The following GPATCH2 variants were observed in gnomAD, a reference collection of about 807,000 sequenced individuals.
The protein encoded by GPATCH2 is G-patch domain containing 2.
In GPATCH2, 51 loss-of-function variants were observed where a neutral mutation model predicts 58.0. The ratio of observed to expected loss-of-function variants is 0.88; its 90% confidence interval spans 0.70 to 1.11. The LOEUF is 1.11. Ranked by LOEUF, GPATCH2 falls within the 50% of genes most tolerant of loss-of-function variation. GPATCH2 has a pLI of 0.00. For synonymous variants in GPATCH2, 222 were observed against 218.5 expected, an observed-to-expected ratio of 1.02 and a Z score of -0.14; for missense variants, 625 against 652.2, an observed-to-expected ratio of 0.96 and a Z score of 0.45.
At chr1:217,566,017 C>T (rs188166160) in intron 5 of GPATCH2, among the ~76,000 whole-genome samples, 64 of 142,184 alleles carry the variant, frequency 4.5e-4, no homozygotes, top group African/African-American at 1.6e-3. Flanking sequence ...AGGAGAATCG[C>T]TTGAACTTGG....
At chr1:217,577,627 T>C (rs1290793018) in intron 5 of GPATCH2, among the ~76,000 whole-genome samples, 1 of 152,162 alleles carries the variant, frequency 6.6e-6, no homozygotes, top group Admixed American at 6.5e-5. Flanking sequence ...TCAGTTTTGT[T>C]ATATAGTGAA....
intron 1 of GPATCH2, among the ~76,000 whole-genome samples, chr1:217,630,146 A>G (rs1056817346): frequency 6.6e-6 from 1 of 152,212 alleles, no homozygotes; most frequent in African/African-American, 2.4e-5. Flanking sequence ...CAGAGTGTTC[A>G]ACTAGAAATC....
chr1:217,481,166 TG>T (rs1158259712), intron 8 of GPATCH2, among the ~76,000 whole-genome samples: 6 of 152,206 alleles, frequency 3.9e-5, no homozygotes, highest in Non-Finnish European at 8.8e-5. Context: ...ACTGGATTAT[TG>T]GTAATACAAA....
chr1:217,531,824 C>G (rs1304092882), intron 5 of GPATCH2, among the ~76,000 whole-genome samples: 2 of 152,170 alleles, frequency 1.3e-5, no homozygotes, highest in Non-Finnish European at 2.9e-5. Flanking sequence ...CTAGCATATA[C>G]TCTGAGAACA....
chr1:217,571,708 A>C (rs1241959162), intron 5 of GPATCH2, among the ~76,000 whole-genome samples: 5 of 148,216 alleles, frequency 3.4e-5, no homozygotes, highest in Non-Finnish European at 6.0e-5. Context: ...GAAACCAAAA[A>C]AAAAAAAAAA....
intron 6 of GPATCH2, among the ~76,000 whole-genome samples, chr1:217,506,320 A>G (rs139365647): frequency 6.6e-6 from 1 of 152,286 alleles, no homozygotes; most frequent in Non-Finnish European, 1.5e-5. Context: ...AACTATAACT[A>G]CTTTATTGAA....
chr1:217,437,407 G>C (rs931673221), intron 9 of GPATCH2, among the ~76,000 whole-genome samples: 8 of 152,296 alleles, frequency 5.3e-5, no homozygotes, highest in Non-Finnish European at 8.8e-5. Context: ...TGGAAAGGGG[G>C]TTGAAGCCAG....
intron 5 of GPATCH2, among the ~76,000 whole-genome samples, chr1:217,521,358 C>CAAAAAAAAAAAAA (rs35333815): frequency 4.9e-5 from 5 of 101,156 alleles, no homozygotes; most frequent in African/African-American, 2.2e-4. Flanking sequence ...AGGGAGACTG[C>CAAAAAAAAAAAAA]AAAAAAAAAA....
At chr1:217,624,648 T>C (rs772752439) in intron 1 of GPATCH2, among the ~76,000 whole-genome samples, 1 of 152,262 alleles carries the variant, frequency 6.6e-6, no homozygotes, top group Non-Finnish European at 1.5e-5. Context: ...ATCCTAGAGA[T>C]AGTTTCTTAA....
chr1:217,454,140 CT>C (rs1659807104), intron 8 of GPATCH2, among the ~76,000 whole-genome samples: 1 of 152,172 alleles, frequency 6.6e-6, no homozygotes. Context: ...ACCCTCCCCG[CT>C]TTACTTGGTG....
chr1:217,587,543 C>T (rs10863328), intron 5 of GPATCH2, among the ~76,000 whole-genome samples: 3 of 151,996 alleles, frequency 2.0e-5, no homozygotes, highest in African/African-American at 7.2e-5. Context: ...CCAAACCAGG[C>T]CAATGAACAG....
intron 8 of GPATCH2, among the ~76,000 whole-genome samples, chr1:217,466,706 A>C (rs535192599): frequency 9.5e-4 from 145 of 152,254 alleles, no homozygotes; most frequent in African/African-American, 3.3e-3. Context: ...TGTTACACAG[A>C]GGTAATAATA....
intron 7 of GPATCH2, among the ~76,000 whole-genome samples, chr1:217,496,274 C>G (rs1227064224): frequency 5.3e-5 from 8 of 152,150 alleles, no homozygotes; most frequent in African/African-American, 1.9e-4. Context: ...CCAATACTTC[C>G]CCTGCTTTTG....
At chr1:217,571,128 AG>A (rs1666517708) in intron 5 of GPATCH2, among the ~76,000 whole-genome samples, 1 of 152,234 alleles carries the variant, frequency 6.6e-6, no homozygotes, top group South Asian at 2.1e-4. Flanking sequence ...AGACCGTGTT[AG>A]GTGACAAAAT....
chr1:217,455,588 C>T (rs542849051), intron 8 of GPATCH2, among the ~76,000 whole-genome samples: 29 of 152,268 alleles, frequency 1.9e-4, no homozygotes, highest in Middle Eastern at 6.8e-3. Flanking sequence ...TATCCTGCTA[C>T]AGGTAATTGG....
chr1:217,611,836 A>G (rs555129638), intron 3 of GPATCH2, among the ~76,000 whole-genome samples: 159 of 152,278 alleles, frequency 1.0e-3, no homozygotes, highest in African/African-American at 3.5e-3. Flanking sequence ...GCCCAACAAA[A>G]CATTTTTTGT....
intron 5 of GPATCH2, among the ~76,000 whole-genome samples, chr1:217,541,536 G>A (rs897448022): frequency 2.6e-5 from 4 of 152,064 alleles, no homozygotes; most frequent in Admixed American, 6.5e-5. Context: ...CTCAAAGCCC[G>A]ATAATTACAA....
chr1:217,597,708 G>A (rs1306025349), intron 5 of GPATCH2, among the ~76,000 whole-genome samples: 1 of 152,096 alleles, frequency 6.6e-6, no homozygotes, highest in African/African-American at 2.4e-5. Flanking sequence ...CTAAAATCAG[G>A]AAAATTCAGT....
intron 5 of GPATCH2, among the ~76,000 whole-genome samples, chr1:217,519,636 T>G (rs898010222): frequency 6.6e-6 from 1 of 152,204 alleles, no homozygotes; most frequent in African/African-American, 2.4e-5. Flanking sequence ...AACTTTCTCA[T>G]TCCACAGCCA....
Sources: gnomAD v4.1 joint callset for allele counts (sites outside exome capture counted in the v4.1 genomes callset) on GRCh38, gnomAD v4.1.1 for gene constraint, MANE v1.5 for transcripts, NCBI Gene and HGNC (gene_info 2026-07-23, HGNC 2026-07-21) for gene names.